The following KANK1 variants were observed in gnomAD, a reference collection of about 807,000 sequenced individuals.
The protein encoded by KANK1 is KN motif and ankyrin repeat domains 1.
KANK1 carries 109 observed loss-of-function variants against 106.2 expected under a neutral mutation model. The observed-to-expected ratio is 1.03, with a 90% CI of 0.88 to 1.20. The LOEUF (loss-of-function observed/expected upper bound fraction) is 1.20, where lower values mean the gene tolerates loss of function less well. KANK1 is among the 50% of genes most tolerant of loss of function. The pLI, the probability that KANK1 is intolerant of heterozygous loss-of-function variation, is 0.00. For synonymous variants in KANK1, 873 were observed against 652.2 expected, an observed-to-expected ratio of 1.34 and a Z score of -5.16; for missense variants, 2,399 against 1,710.7, an observed-to-expected ratio of 1.40 and a Z score of -7.10.
intron 3 of KANK1, among the ~76,000 whole-genome samples, chr9:722,548 C>T (rs1829625702): frequency 6.6e-6 from 1 of 152,170 alleles, no homozygotes; most frequent in Non-Finnish European, 1.5e-5. Flanking sequence ...AGTCATTTGT[C>T]AGTCTTACAT....
intron 3 of KANK1, among the ~76,000 whole-genome samples, chr9:483,047 A>G (rs2058233452): frequency 6.6e-6 from 1 of 152,190 alleles, no homozygotes; most frequent in Non-Finnish European, 1.5e-5. Context: ...CGTCCAAGTA[A>G]CCCTTATTTT....
At chr9:597,606 A>C (rs888053536) in intron 1 of KANK1, among the ~76,000 whole-genome samples, 4 of 151,594 alleles carry the variant, frequency 2.6e-5, no homozygotes, top group African/African-American at 9.8e-5. Context: ...CTAGACCCTT[A>C]ATAGATATGT....
intron 1 of KANK1, among the ~76,000 whole-genome samples, chr9:614,542 G>A (rs1382905842): frequency 1.3e-5 from 2 of 152,166 alleles, no homozygotes; most frequent in Admixed American, 1.3e-4. Flanking sequence ...TGCTGCTGGT[G>A]TTATGAGTAG....
At chr9:594,984 G>T (rs775102380) in intron 1 of KANK1, among the ~76,000 whole-genome samples, 6 of 151,790 alleles carry the variant, frequency 4.0e-5, no homozygotes, top group Non-Finnish European at 7.4e-5. Context: ...GAAACAGTTT[G>T]ATTTTAAGAA....
At chr9:737,775 G>C (rs1386915320) in intron 7 of KANK1, among the ~76,000 whole-genome samples, 2 of 152,206 alleles carry the variant, frequency 1.3e-5, no homozygotes, top group Non-Finnish European at 2.9e-5. Flanking sequence ...GTCTGGATAG[G>C]AAGGAAGCAG....
chr9:528,332 T>G (rs899476859), intron 1 of KANK1, among the ~76,000 whole-genome samples: 1 of 151,990 alleles, frequency 6.6e-6, no homozygotes, highest in African/African-American at 2.4e-5. Context: ...TTTTCTAATG[T>G]TGGTGGTCCT....
Position 643,474 on chromosome 9 carries a change from C to T in KANK1, c.-83-33416C>T, listed in dbSNP as rs186983625. On this transcript the variant is annotated intron_variant, in intron 1 of 11. Transcript: ENST00000382297. ...GGTCCAAGCTCTAGGGGCCTCCTCCCGAAGAATTTGGTTTAAAAGCAAAAG... is the reference window on the plus strand; with the variant it reads ...GGTCCAAGCTCTAGGGGCCTCCTCCTGAAGAATTTGGTTTAAAAGCAAAAG... Among the ~76,000 whole-genome samples, 337 of 149,872 alleles carry T rather than the reference C, an allele frequency of 2.2e-3. 27 individuals are homozygous for T. The highest frequency in any genetic ancestry group is 8.0e-3 in the African/African-American group (318 of 39,690).
upstream of KANK1, among the ~76,000 whole-genome samples, chr9:502,576 T>G (rs1232762976): frequency 6.6e-6 from 1 of 151,150 alleles, no homozygotes; most frequent in South Asian, 2.1e-4. Context: ...CAGGCCAAAG[T>G]GCAGTGGCAT....
chr9:659,078 G>C (rs1337392636), intron 1 of KANK1, among the ~76,000 whole-genome samples: 1 of 152,062 alleles, frequency 6.6e-6, no homozygotes, highest in African/African-American at 2.4e-5. Flanking sequence ...CATATAGTTC[G>C]TGCCTATAAG....
At chr9:526,607 G>A (rs544124772) in intron 1 of KANK1, among the ~76,000 whole-genome samples, 18 of 151,696 alleles carry the variant, frequency 1.2e-4, no homozygotes, top group Non-Finnish European at 2.1e-4. Flanking sequence ...TTTTATGTAC[G>A]TGTCTTCTCA....
At chr9:665,323 A>G (rs1844324371) in intron 1 of KANK1, among the ~76,000 whole-genome samples, 1 of 152,168 alleles carries the variant, frequency 6.6e-6, no homozygotes, top group Admixed American at 6.6e-5. Flanking sequence ...GTCTAAATCC[A>G]TTTGTATTTG....
intron 7 of KANK1, chr9:735,898 G>C: frequency 4.0e-6 from 1 of 247,046 alleles, no homozygotes; most frequent in South Asian, 4.2e-5. Flanking sequence ...GGGAGTCTGA[G>C]GCTGGAGAAT....
chr9:544,895 C>T (rs906528831), intron 1 of KANK1, among the ~76,000 whole-genome samples: 1 of 152,082 alleles, frequency 6.6e-6, no homozygotes, highest in African/African-American at 2.4e-5. Flanking sequence ...TGTGGGAAAT[C>T]ACTGGCAAGT....
chr9:520,053 C>G (rs1338064988), intron 1 of KANK1, among the ~76,000 whole-genome samples: 1 of 151,690 alleles, frequency 6.6e-6, no homozygotes, highest in Admixed American at 6.6e-5. Context: ...AAGAAATGAC[C>G]ATAGCCGGGT....
chr9:657,391 A>G (rs1290042137), intron 1 of KANK1, among the ~76,000 whole-genome samples: 1 of 145,236 alleles, frequency 6.9e-6, no homozygotes, highest in Non-Finnish European at 1.6e-5. Context: ...ATATACCCAG[A>G]AGTAGGGTTC....
chr9:543,254 A>G (rs1233782947), intron 1 of KANK1, among the ~76,000 whole-genome samples: 1 of 152,126 alleles, frequency 6.6e-6, no homozygotes. Context: ...ATACAATGTA[A>G]TGTGCTTGGA....
intron 2 of KANK1, among the ~76,000 whole-genome samples, chr9:471,154 C>A (rs2058012931): frequency 6.6e-6 from 1 of 152,216 alleles, no homozygotes. Context: ...TGGATCTGAT[C>A]ATCAATTATA....
At chr9:570,682 T>C (rs887903912) in intron 1 of KANK1, among the ~76,000 whole-genome samples, 2 of 152,230 alleles carry the variant, frequency 1.3e-5, no homozygotes, top group East Asian at 3.8e-4. Context: ...CTAATTGTCA[T>C]CTATACCAAG....
chr9:552,657 A>T (rs1209542096), intron 1 of KANK1, among the ~76,000 whole-genome samples: 2 of 152,202 alleles, frequency 1.3e-5, no homozygotes, highest in African/African-American at 2.4e-5. Flanking sequence ...TAATTCATCA[A>T]ATCACATTCT....
Sources: allele counts gnomAD v4.1 joint callset (sites outside exome capture counted in the v4.1 genomes callset), GRCh38; gene constraint gnomAD v4.1.1; transcripts MANE v1.5; gene names NCBI Gene and HGNC (gene_info 2026-07-23, HGNC 2026-07-21).